NR6A1: variants seen among roughly 807,000 people sequenced by gnomAD.
NR6A1 encodes retinoic acid receptor-related testis-associated receptor.
NR6A1 carries 7 observed loss-of-function variants against 59.1 expected under a neutral mutation model. The observed-to-expected ratio is 0.12, with a 90% CI of 0.07 to 0.22. The LOEUF (loss-of-function observed/expected upper bound fraction) is 0.22. Ranked by LOEUF, NR6A1 falls within the 10% of genes least tolerant of loss-of-function variation. The pLI is 1.00. For missense variants in NR6A1, 468 were observed against 611.6 expected, an observed-to-expected ratio of 0.77 and a Z score of 2.48; for synonymous variants, 243 against 236.1, an observed-to-expected ratio of 1.03 and a Z score of -0.27.
chr9:124,637,710 G>A (rs1836651499), intron 2 of NR6A1, among the ~76,000 whole-genome samples: 1 of 151,948 alleles, frequency 6.6e-6, no homozygotes. Context: ...AGCCAACATG[G>A]TGAAACCCCA....
At chr9:124,569,268 C>A (rs144950518) in intron 2 of NR6A1, among the ~76,000 whole-genome samples, 2 of 152,206 alleles carry the variant, frequency 1.3e-5, no homozygotes, top group African/African-American at 4.8e-5. Context: ...TTCTAGCAAT[C>A]GGTTCTACCT....
chr9:124,582,370 A>G (rs1002982668), intron 2 of NR6A1, among the ~76,000 whole-genome samples: 1 of 152,180 alleles, frequency 6.6e-6, no homozygotes, highest in African/African-American at 2.4e-5. Flanking sequence ...AATGATGAGA[A>G]CACACGGACA....
At chr9:124,701,944 T>C (rs1467589180) in intron 2 of NR6A1, among the ~76,000 whole-genome samples, 3 of 152,092 alleles carry the variant, frequency 2.0e-5, no homozygotes, top group Non-Finnish European at 4.4e-5. Flanking sequence ...AGGCTGGTTT[T>C]GAACTCCTGG....
At chr9:124,599,249 T>G (rs1273741317) in intron 2 of NR6A1, 1 of 432,804 alleles carries the variant, frequency 2.3e-6, no homozygotes, top group East Asian at 5.1e-5. Flanking sequence ...TTGAGACCAG[T>G]CTCGTCAACA....
intron 1 of NR6A1, among the ~76,000 whole-genome samples, chr9:124,761,369 T>C (rs1489707477): frequency 1.3e-5 from 2 of 152,236 alleles, no homozygotes; most frequent in Non-Finnish European, 2.9e-5. Context: ...TGAGTTCTGA[T>C]GCGGTAACTC....
chr9:124,624,760 C>T (rs564823699), intron 2 of NR6A1, among the ~76,000 whole-genome samples: 1 of 152,310 alleles, frequency 6.6e-6, no homozygotes, highest in Admixed American at 6.5e-5. Context: ...CTGCAGCTTG[C>T]GCAGTGCTCT....
At chr9:124,610,574 A>C (rs527395237) in intron 2 of NR6A1, among the ~76,000 whole-genome samples, 1 of 152,014 alleles carries the variant, frequency 6.6e-6, no homozygotes, top group South Asian at 2.1e-4. Flanking sequence ...TTTTTGTTGT[A>C]TCTCTGCCAG....
At chr9:124,557,916 TCA>T (rs1353569420) in intron 2 of NR6A1, among the ~76,000 whole-genome samples, 1 of 152,234 alleles carries the variant, frequency 6.6e-6, no homozygotes, top group Non-Finnish European at 1.5e-5. Context: ...CTTCCTTTCT[TCA>T]CTGATACGAT....
intron 2 of NR6A1, among the ~76,000 whole-genome samples, chr9:124,702,225 T>A (rs1838981617): frequency 6.6e-6 from 1 of 152,170 alleles, no homozygotes; most frequent in African/African-American, 2.4e-5. Flanking sequence ...CTTGATACAT[T>A]TGGTAGTTTT....
intron 2 of NR6A1, among the ~76,000 whole-genome samples, chr9:124,670,727 T>C (rs916154352): frequency 4.6e-5 from 7 of 152,182 alleles, no homozygotes; most frequent in Non-Finnish European, 8.8e-5. Context: ...CAGTAGGATA[T>C]TGGGGGCCCA....
chr9:124,694,014 T>C (rs1489674421), intron 2 of NR6A1, among the ~76,000 whole-genome samples: 3 of 152,230 alleles, frequency 2.0e-5, no homozygotes, highest in African/African-American at 2.4e-5. Context: ...ATTAAATACA[T>C]ATCTGGATAT....
rs979179632 is a variant in NR6A1 at position 124,671,160 on chromosome 9, G to A, written c.142+62148C>T. On this transcript the variant is annotated intron_variant, in intron 2 of 9. Transcript: ENST00000487099. Reference sequence around the variant, plus strand: ...GGGTACAGAATTTCAGTTTTGCAAGGTGAAAAAGATCTGGAGATCTGTTGC... The same window carrying A: ...GGGTACAGAATTTCAGTTTTGCAAGATGAAAAAGATCTGGAGATCTGTTGC... Among the ~76,000 whole-genome samples the A allele has an allele frequency of 1.7e-4, 26 of 152,162 alleles. 1 individual carries two copies. The highest frequency in any genetic ancestry group is 1.3e-4 in the Admixed American group (2 of 15,264).
At chr9:124,760,130 G>A (rs1028749680) in intron 1 of NR6A1, among the ~76,000 whole-genome samples, 2 of 151,246 alleles carry the variant, frequency 1.3e-5, no homozygotes, top group African/African-American at 4.9e-5. Context: ...TGGCCAACAT[G>A]GTGAAATCTC....
chr9:124,627,860 A>G (rs1402250511), intron 2 of NR6A1, among the ~76,000 whole-genome samples: 1 of 139,272 alleles, frequency 7.2e-6, no homozygotes, highest in Non-Finnish European at 1.5e-5. Context: ...GGCATAAGCC[A>G]CCATGCCTGG....
chr9:124,625,157 G>A (rs2130868057), intron 2 of NR6A1, among the ~76,000 whole-genome samples: 1 of 152,310 alleles, frequency 6.6e-6, no homozygotes, highest in East Asian at 1.9e-4. Flanking sequence ...ACCTGGGCAA[G>A]TTGTAGCTCT....
intron 2 of NR6A1, among the ~76,000 whole-genome samples, chr9:124,695,433 G>A (rs1263573890): frequency 6.6e-6 from 1 of 152,150 alleles, no homozygotes; most frequent in Non-Finnish European, 1.5e-5. Context: ...GGAGTACAGT[G>A]ATGCGATCTC....
intron 2 of NR6A1, among the ~76,000 whole-genome samples, chr9:124,597,089 T>A (rs1326984915): frequency 1.3e-5 from 2 of 152,176 alleles, no homozygotes; most frequent in East Asian, 3.8e-4. Context: ...TGGCAAATAT[T>A]GCTACTACCA....
chr9:124,568,986 G>A lies in NR6A1; in HGVS notation c.143-14416C>T, dbSNP rs542271677. ...AAATTAGCCAGGCATGGTGGCGGGC[G>A]CCTGTAGTCCCAGCTACTCAGGAGG... On this transcript the variant is annotated intron_variant, in intron 2 of 9. Coordinates refer to ENST00000487099, the MANE Select transcript of NR6A1 (RefSeq NM_033334.4). Among the ~76,000 whole-genome samples the A allele has an allele frequency of 1.3e-4, 19 of 151,872 alleles. No individual in the cohort carries two copies. The South Asian group carries it at 2.3e-3, about 18-fold the overall frequency.
intron 1 of NR6A1, among the ~76,000 whole-genome samples, chr9:124,769,612 G>A (rs1025546964): frequency 6.6e-6 from 1 of 152,232 alleles, no homozygotes; most frequent in Non-Finnish European, 1.5e-5. Context: ...TTTGAAATCT[G>A]TTACTTGTTA....
Sources: allele counts gnomAD v4.1 joint callset (sites outside exome capture counted in the v4.1 genomes callset), GRCh38; gene constraint gnomAD v4.1.1; transcripts MANE v1.5; gene names NCBI Gene and HGNC (gene_info 2026-07-23, HGNC 2026-07-21).